Variants in NRDE2 observed in about 807,000 individuals in gnomAD.
The protein encoded by NRDE2 is nuclear exosome regulator NRDE2.
Under a neutral mutation model 124.2 loss-of-function variants are expected in NRDE2, and 76 were observed. The ratio of observed to expected loss-of-function variants is 0.61; its 90% CI spans 0.51 to 0.74. The LOEUF is 0.74. Among genes scored for constraint, NRDE2 ranks in the 30% least tolerant of loss-of-function variants. NRDE2 has a pLI of 0.00. For synonymous variants in NRDE2, 489 were observed against 528.1 expected, an observed-to-expected ratio of 0.93 and a Z score of 1.01; for missense variants, 1,314 against 1,417.3, an observed-to-expected ratio of 0.93 and a Z score of 1.17.
At chr14:90,324,987 TGTA>T (rs1037294747) in intron 1 of NRDE2, among the ~76,000 whole-genome samples, 3 of 152,088 alleles carry the variant, frequency 2.0e-5, no homozygotes, top group Admixed American at 6.5e-5. Context: ...AGGAGGCTGT[TGTA>T]GTAATCTAGG....
Position 90,278,106 on chromosome 14 carries a change from T to G in NRDE2, c.*230A>C, listed in dbSNP as rs569047316. On this transcript the variant is annotated 3_prime_UTR_variant, in exon 14 of 14. Transcript: ENST00000354366. ...ACCACGTGGCATGACTCTCTGGCTATGTACATATATACACATATTCACATA... is the reference window on the plus strand; with the variant it reads ...ACCACGTGGCATGACTCTCTGGCTAGGTACATATATACACATATTCACATA... 2.9e-5 allele frequency: 13 copies of G among 452,344 alleles called. No homozygotes were observed. The highest frequency in any genetic ancestry group is 5.3e-5 in the Non-Finnish European group (13 of 246,030). 28.0% of individuals were successfully genotyped at this position (452,344 alleles called of 1,614,324 possible).
intron 12 of NRDE2, among the ~76,000 whole-genome samples, chr14:90,285,926 C>G (rs370034192): frequency 3.9e-5 from 6 of 152,318 alleles, no homozygotes; most frequent in African/African-American, 1.4e-4. Context: ...TGAACCACGG[C>G]ACCCAACCTG....
At position 90,270,073 on chromosome 14, in the gene NRDE2, C is replaced by T; in HGVS notation, c.*8263G>A. 1 of 978,822 alleles carries T rather than the reference C, an allele frequency of 1.0e-6. No individual in the cohort carries two copies. The highest frequency in any genetic ancestry group is 2.7e-5 in the Admixed American group (1 of 37,696). 60.6% of individuals were successfully genotyped at this position (978,822 alleles called of 1,614,324 possible). A position where few individuals can be genotyped will look rare whatever the true frequency, so the allele number is the denominator to read the frequency against. On this transcript the variant is annotated 3_prime_UTR_variant, in exon 14 of 14. Coordinates refer to ENST00000354366, the MANE Select transcript of NRDE2 (RefSeq NM_017970.4). The stretch of plus-strand genomic sequence containing the variant: ...ATATGTTTACTTTTTAAAATTTAGA[C>T]ATCCTTCCCACAGAATTCTGTCCGA...
rs1240953498 is a variant in NRDE2, at chr14:90,330,399, C to T, written c.64+1442G>A. Among the ~76,000 whole-genome samples, 7 of 152,058 alleles carry T rather than the reference C, an allele frequency of 4.6e-5. No individual in the cohort carries two copies. In the South Asian group the frequency reaches 1.2e-3, roughly 27 times the overall value. Reference sequence around the variant, plus strand: ...AAATATTTATTGAACACCTATTATACTTTGGACCTGTGCTAGGGGCTAACT... The same window carrying T: ...AAATATTTATTGAACACCTATTATATTTTGGACCTGTGCTAGGGGCTAACT... On this transcript the variant is annotated intron_variant, in intron 1 of 13. Transcript: ENST00000354366.
chr14:90,309,204 A>G (rs1187313260), intron 4 of NRDE2, among the ~76,000 whole-genome samples: 1 of 152,062 alleles, frequency 6.6e-6, no homozygotes, highest in African/African-American at 2.4e-5. Context: ...GAGAGAGGGA[A>G]GCAAATGGAA....
intron 8 of NRDE2, among the ~76,000 whole-genome samples, chr14:90,294,567 G>A (rs1008774665): frequency 4.6e-5 from 7 of 152,134 alleles, no homozygotes; most frequent in African/African-American, 1.7e-4. Flanking sequence ...TACGCTAAGC[G>A]GAATCAGCCA....
At chr14:90,286,736 T>C (rs1048891613) in intron 11 of NRDE2, among the ~76,000 whole-genome samples, 3 of 152,120 alleles carry the variant, frequency 2.0e-5, no homozygotes, top group Admixed American at 2.0e-4. Context: ...AAAAACCCAC[T>C]CGCCTCTGTT....
Position 90,269,660 on chromosome 14 carries a change from AACTT to A in NRDE2, c.*8672_*8675del, listed in dbSNP as rs1643975901. The A allele has an allele frequency of 8.2e-7, 1 of 1,219,536 alleles. No homozygotes were observed. Among genetic ancestry groups the A allele is most frequent in the Non-Finnish European group, 1.1e-6 (1 of 872,270 alleles). The allele number at this position is 1,219,536 out of a possible 1,614,324, so 75.5% of individuals were successfully genotyped here. A position where few individuals can be genotyped will look rare whatever the true frequency, so the allele number is the denominator to read the frequency against. ...CATAAAAAAGCAAATACTGCAGTGA[AACTT>A]AGGATAATTTACAAAAAAATAGGTC... On this transcript the variant is annotated 3_prime_UTR_variant, in exon 14 of 14. Transcript: ENST00000354366.
At chr14:90,330,243 G>A (rs946526159) in intron 1 of NRDE2, among the ~76,000 whole-genome samples, 19 of 42,986 alleles carry the variant, frequency 4.4e-4, no homozygotes, top group Admixed American at 3.0e-3. Flanking sequence ...ATAAAAAGAA[G>A]TAATTAATCC....
chr14:90,305,315 C>T (rs1366398582), intron 4 of NRDE2, among the ~76,000 whole-genome samples: 1 of 152,234 alleles, frequency 6.6e-6, no homozygotes, highest in African/African-American at 2.4e-5. Flanking sequence ...CTCTCATCCG[C>T]TGTCAGCGGG....
rs1362672924 is a variant in NRDE2 at position 90,273,584 on chromosome 14, A to C, written c.*4752T>G. Reference sequence around the variant, plus strand: ...AAAATAAATAAATAAATAAATAAAAACCACAATTTTATCTCAGTTCTGTAG... The same window carrying C: ...AAAATAAATAAATAAATAAATAAAACCCACAATTTTATCTCAGTTCTGTAG... On this transcript the variant is annotated 3_prime_UTR_variant, in exon 14 of 14. Coordinates refer to ENST00000354366, the MANE Select transcript of NRDE2 (RefSeq NM_017970.4). 1 of 152,246 alleles carries C rather than the reference A, an allele frequency of 6.6e-6. No individual in the cohort carries two copies. Among genetic ancestry groups the C allele is most frequent in the East Asian group, 1.9e-4 (1 of 5,172 alleles). The allele number at this position is 152,246 out of a possible 1,614,324, so 9.4% of individuals were successfully genotyped here.
Position 90,304,292 on chromosome 14 carries a change from T to C in NRDE2, c.648A>G (p.Ser216=), listed in dbSNP as rs149135712. The part of the protein sequence containing the change: ...WEGTSTEKKH[S]RKQVERYFTK... ...TAAAATAGCGTTCAACCTGCTTGCG[T>C]GAATGCTTCTTCTCTGTGGAAGTCC... is the stretch of plus-strand genomic sequence containing the variant. Residue 216 remains serine, a synonymous_variant, in exon 5 of 14, where the codon TCA becomes TCG. Coordinates refer to ENST00000354366, the MANE Select transcript of NRDE2 (RefSeq NM_017970.4). 1.0e-4 allele frequency: 164 copies of C among 1,614,158 alleles called. No individual in the cohort carries two copies. The African/African-American group carries it at 2.1e-3, about 20-fold the overall frequency.
chr14:90,286,547 A>C, intron 11 of NRDE2, 55 bp from the exon 12 acceptor site: 2 of 1,578,054 alleles, frequency 1.3e-6, no homozygotes, highest in Non-Finnish European at 1.7e-6. Flanking sequence ...CCTACATCAC[A>C]GAAGGAAGAG....
rs77927347 is a variant in NRDE2, at chr14:90,303,299, T to C, written c.1006-174A>G. On this transcript the variant is annotated intron_variant, in intron 5 of 13. Transcript: ENST00000354366. ...AAAGTGCTTGTGTCACCTGATATGT[T>C]TGATCTTGTATTTATCACTTAATTA... 7.2e-3 allele frequency among the ~76,000 whole-genome samples: 1,096 copies of C among 152,356 alleles called. 11 individuals are homozygous for C. The highest frequency in any genetic ancestry group is 0.025 in the African/African-American group (1,053 of 41,580).
chr14:90,270,139 G>A lies in NRDE2; in HGVS notation c.*8197C>T. The A allele has an allele frequency of 6.3e-7, 1 of 1,588,126 alleles. No homozygotes were observed. Among genetic ancestry groups the A allele is most frequent in the South Asian group, 1.1e-5 (1 of 87,638 alleles). Reference sequence around the variant, plus strand: ...TAAGGAGATGGGCTGAGGCCTCTGAGCCATGGCCGAGCCTGGGTTTGGATG... The same window carrying A: ...TAAGGAGATGGGCTGAGGCCTCTGAACCATGGCCGAGCCTGGGTTTGGATG... On this transcript the variant is annotated 3_prime_UTR_variant, in exon 14 of 14. Coordinates refer to ENST00000354366, the MANE Select transcript of NRDE2 (RefSeq NM_017970.4).
Position 90,271,002 on chromosome 14 carries a change from G to GGCAAGTAAAATCT in NRDE2, c.*7333_*7334insAGATTTTACTTGC, listed in dbSNP as rs1419975805. The GGCAAGTAAAATCT allele has an allele frequency of 5.8e-4, 89 of 152,320 alleles. No homozygotes were observed. The highest frequency in any genetic ancestry group is 1.9e-3 in the African/African-American group (79 of 41,568). 9.4% of individuals were successfully genotyped at this position (152,320 alleles called of 1,614,324 possible). A position where few individuals can be genotyped will look rare whatever the true frequency, so the allele number is the denominator to read the frequency against. ...ATTGGCAGTTAGTCCTAGAGAACTAGATGTCTCTGTTGGCAAGTAAAATCT... is the reference window on the plus strand; with the variant it reads ...ATTGGCAGTTAGTCCTAGAGAACTAGGCAAGTAAAATCTATGTCTCTGTTGGCAAGTAAAATCT... On this transcript the variant is annotated 3_prime_UTR_variant, in exon 14 of 14. Coordinates refer to ENST00000354366, the MANE Select transcript of NRDE2 (RefSeq NM_017970.4).
chr14:90,306,382 C>A (rs767479217), intron 4 of NRDE2, among the ~76,000 whole-genome samples: 1 of 152,224 alleles, frequency 6.6e-6, no homozygotes, highest in Non-Finnish European at 1.5e-5. Context: ...TATTTTCTCA[C>A]ACAGACATAA....
rs369682041 is a variant in NRDE2 at position 90,316,593 on chromosome 14, T to C, written c.392A>G (p.Glu131Gly). ...PSRGVGGSKK[E>G]SEEPNQGNNA... ...AGCAACCTACTTCGGTTCCTCAGAT[T>C]CCTTTTTACTGCCTCCAACGCCTCT... is the stretch of plus-strand genomic sequence containing the variant. The change falls in exon 3 of 14, where the codon GAA becomes GGA. Residue 131 changes from glutamate (E) to glycine (G), a missense_variant. Physicochemically the swap from Glu to Gly is moderately conservative, Grantham distance 98 (BLOSUM62 -2). Coordinates refer to ENST00000354366, the MANE Select transcript of NRDE2 (RefSeq NM_017970.4). 6.2e-7 allele frequency: 1 copy of C among 1,610,910 alleles called. No homozygotes were observed. Among genetic ancestry groups the C allele is most frequent in the Non-Finnish European group, 8.5e-7 (1 of 1,179,048 alleles).
chr14:90,288,340 TG>T lies in NRDE2; in HGVS notation c.3034del (p.His1012ThrfsTer32). Reference sequence around the variant, plus strand: ...AAATCTCCTGGTTTTGCTGGCACTGTGGGACTTATTCTGAATCTGTACATAG... The same window carrying T: ...AAATCTCCTGGTTTTGCTGGCACTGTGGACTTATTCTGAATCTGTACATAG... Reference protein sequence around the residue: ...RSYVQIQNKSHSASKTRRFFD... With the variant: ...RSYVQIQNKSXSASKTRRFFD... On this transcript the variant is annotated frameshift_variant, in exon 11 of 14. Transcript: ENST00000354366. LOFTEE classifies it high-confidence loss of function. The T allele has an allele frequency of 6.2e-7, 1 of 1,614,234 alleles. No individual in the cohort carries two copies. Among genetic ancestry groups the T allele is most frequent in the African/African-American group, 1.3e-5 (1 of 75,052 alleles).
Sources: gnomAD v4.1 joint callset for allele counts (sites outside exome capture counted in the v4.1 genomes callset) on GRCh38, gnomAD v4.1.1 for gene constraint, MANE v1.5 for transcripts, NCBI Gene and HGNC (gene_info 2026-07-23, HGNC 2026-07-21) for gene names.